FGF13: variants seen among roughly 807,000 people sequenced by gnomAD.
FGF13 encodes the protein fibroblast growth factor homologous factor 2.
FGF13 carries 2 observed loss-of-function variants against 19.5 expected under a neutral mutation model. That is an observed-to-expected ratio of 0.10 (90% CI 0.04 to 0.32). FGF13 has a LOEUF of 0.32. FGF13 is among the 10% of genes least tolerant of loss of function. The pLI, the probability that FGF13 is intolerant of heterozygous loss-of-function variation, is 1.00. For missense variants in FGF13, 113 were observed against 192.7 expected, an observed-to-expected ratio of 0.59 and a Z score of 2.45; for synonymous variants, 72 against 76.9, an observed-to-expected ratio of 0.94 and a Z score of 0.33.
At chrX:138,765,266 T>C (rs1487430936) in intron 3 of FGF13, among the ~76,000 whole-genome samples, 3 of 112,267 alleles carry the variant, frequency 2.7e-5, no homozygotes, top group East Asian at 2.8e-4. Context: ...TTACATGTAC[T>C]GTCTCTCCCT....
At chrX:138,833,117 T>C (rs1422286657) in intron 3 of FGF13, among the ~76,000 whole-genome samples, 1 of 112,361 alleles carries the variant, frequency 8.9e-6, no homozygotes. Context: ...TACTTTGTTC[T>C]TTTTGCTTAG....
chrX:138,967,728 G>T (rs1249277237), intron 1 of FGF13, among the ~76,000 whole-genome samples: 1 of 111,467 alleles, frequency 9.0e-6, no homozygotes, highest in African/African-American at 3.3e-5. Flanking sequence ...CTTGGTAAAG[G>T]TCAAGACAAA....
intron 3 of FGF13, among the ~76,000 whole-genome samples, chrX:138,829,258 G>A (rs749364897): frequency 1.8e-5 from 2 of 111,849 alleles, no homozygotes; most frequent in Admixed American, 9.5e-5. Flanking sequence ...GTATGGTGGT[G>A]TTGTAAGATG....
At chrX:139,144,755 G>C (rs1264868907) in intron 1 of FGF13, among the ~76,000 whole-genome samples, 1 of 110,860 alleles carries the variant, frequency 9.0e-6, no homozygotes, top group African/African-American at 3.3e-5. Context: ...AAAAATAATT[G>C]AGATGTGGCA....
At chrX:138,964,054 G>T (rs2091885539) in intron 1 of FGF13, among the ~76,000 whole-genome samples, 1 of 111,911 alleles carries the variant, frequency 8.9e-6, no homozygotes, top group Non-Finnish European at 1.9e-5. Flanking sequence ...AGTCTTCAGT[G>T]TATAAAGAGA....
At chrX:138,987,421 A>G (rs2091998672) in intron 1 of FGF13, among the ~76,000 whole-genome samples, 2 of 111,949 alleles carry the variant, frequency 1.8e-5, no homozygotes, top group Admixed American at 1.9e-4. Context: ...TGGAAGGTGC[A>G]AATCCTGCAA....
chrX:138,681,206 G>A (rs1368827264), intron 3 of FGF13, among the ~76,000 whole-genome samples: 2 of 109,506 alleles, frequency 1.8e-5, no homozygotes, highest in African/African-American at 3.3e-5. Flanking sequence ...AAGAAAATCT[G>A]TTGTTTTGTG....
intron 3 of FGF13, among the ~76,000 whole-genome samples, chrX:138,768,457 C>T (rs753116513): frequency 2.7e-5 from 3 of 109,486 alleles, no homozygotes; most frequent in Non-Finnish European, 5.7e-5. Flanking sequence ...TGGTAATGTT[C>T]TACTTCTTCA....
chrX:139,086,208 C>T (rs1054631672), intron 1 of FGF13, among the ~76,000 whole-genome samples: 5 of 111,748 alleles, frequency 4.5e-5, no homozygotes, highest in Non-Finnish European at 9.4e-5. Flanking sequence ...CTCAAAGTAG[C>T]CAAAACTTGG....
intron 1 of FGF13, among the ~76,000 whole-genome samples, chrX:138,953,646 T>C (rs2091826089): frequency 9.0e-6 from 1 of 111,489 alleles, no homozygotes; most frequent in Non-Finnish European, 1.9e-5. Flanking sequence ...ACTTTATATA[T>C]AATAGCCAAA....
Position 139,153,210 on chromosome X carries a change from C to G in FGF13, c.-113+50206G>C, listed in dbSNP as rs181760629. On this transcript the variant is annotated intron_variant, in intron 1 of 2. Transcript: ENST00000421460. ...TGTCAATTCACCCTCTACAGACAGC[C>G]AAGAATTCCAACTATTGGCAGGTCC... Among the ~76,000 whole-genome samples, 163 of 110,942 alleles carry G rather than the reference C, an allele frequency of 1.5e-3. 1 individual carries two copies. The highest frequency in any genetic ancestry group is 4.9e-3 in the African/African-American group (150 of 30,479).
intron 1 of FGF13, among the ~76,000 whole-genome samples, chrX:139,100,422 T>G (rs1033944113): frequency 9.2e-6 from 1 of 108,722 alleles, no homozygotes; most frequent in Non-Finnish European, 1.9e-5. Context: ...GAGACGATAA[T>G]AGGCAGATAT....
At chrX:139,142,191 T>C (rs886081128) in intron 1 of FGF13, among the ~76,000 whole-genome samples, 1 of 112,171 alleles carries the variant, frequency 8.9e-6, no homozygotes, top group Non-Finnish European at 1.9e-5. Flanking sequence ...AACTCAGTTA[T>C]GATAAATGTG....
Position 138,994,221 on chromosome X carries a change from T to A in FGF13, c.-112-129571A>T, listed in dbSNP as rs138944073. On this transcript the variant is annotated intron_variant, in intron 1 of 2. Coordinates refer to the FGF13 transcript ENST00000421460. ...CAGGTTCTGGTGAGGGCTCCCTTCC[T>A]GGTTGCAGATAACCACCTACTTGCT... Among the ~76,000 whole-genome samples, 634 of 111,540 alleles carry A rather than the reference T, an allele frequency of 5.7e-3. 5 individuals are homozygous for A. Among genetic ancestry groups the A allele is most frequent in the African/African-American group, 0.02 (599 of 30,674 alleles).
chrX:139,100,041 A>AACACACACACACACACAC (rs56821859), intron 1 of FGF13, among the ~76,000 whole-genome samples: 44 of 76,407 alleles, frequency 5.8e-4, no homozygotes, highest in African/African-American at 1.5e-3. Context: ...GGGGAAAGCA[A>AACACACACACACACACAC]ACACACACAC....
chrX:138,909,591 T>C (rs760029799), intron 1 of FGF13, among the ~76,000 whole-genome samples: 1 of 111,869 alleles, frequency 8.9e-6, no homozygotes, highest in African/African-American at 3.3e-5. Context: ...TAGCATGACA[T>C]TTTTATCACA....
chrX:139,052,811 ATATTT>A (rs1404869436), intron 1 of FGF13, among the ~76,000 whole-genome samples: 14 of 110,996 alleles, frequency 1.3e-4, no homozygotes, highest in Non-Finnish European at 1.9e-4. Context: ...CCAATTTTCT[ATATTT>A]TATTTTATTT....
At chrX:138,792,998 A>G (rs952359007) in intron 3 of FGF13, among the ~76,000 whole-genome samples, 2 of 111,801 alleles carry the variant, frequency 1.8e-5, no homozygotes, top group Non-Finnish European at 3.8e-5. Context: ...CAAAAACAGC[A>G]GTTTCTTTAT....
chrX:138,944,810 A>T (rs1339286156), intron 1 of FGF13, among the ~76,000 whole-genome samples: 1 of 111,162 alleles, frequency 9.0e-6, no homozygotes, highest in Non-Finnish European at 1.9e-5. Flanking sequence ...TAGATATTAA[A>T]TTTTTTTTAG....
Sources: allele counts gnomAD v4.1 joint callset (sites outside exome capture counted in the v4.1 genomes callset), GRCh38; gene constraint gnomAD v4.1.1; transcripts MANE v1.5; gene names NCBI Gene and HGNC (gene_info 2026-07-23, HGNC 2026-07-21).